PPARGC1B: variants seen among roughly 807,000 people sequenced by gnomAD.
PPARGC1B encodes PPARG coactivator 1 beta.
Under a neutral mutation model 101.6 loss-of-function variants are expected in PPARGC1B, and 34 were observed. The observed-to-expected ratio is 0.33, with a 90% CI of 0.25 to 0.45. The LOEUF (loss-of-function observed/expected upper bound fraction) is 0.45, where lower values mean the gene tolerates loss of function less well. Ranked by LOEUF, PPARGC1B falls within the 20% of genes least tolerant of loss-of-function variation. The pLI is 1.00. For missense variants in PPARGC1B, 1,234 were observed against 1,317.6 expected (o/e 0.94, Z 0.98); for synonymous variants, 548 against 539.3 (o/e 1.02, Z -0.22).
rs570914649 is a variant in PPARGC1B, at chr5:149,834,429, G to A, written c.1706-245G>A. On this transcript the variant is annotated intron_variant, in intron 5 of 11. Transcript: ENST00000309241. The stretch of plus-strand genomic sequence containing the variant: ...CCTCACTGTGCTACACGTTTAGCCA[G>A]AAGGGGTCACTCTTGCACCTGTTTG... 9.2e-5 allele frequency among the ~76,000 whole-genome samples: 14 copies of A among 152,360 alleles called. No individual in the cohort carries two copies. In the South Asian group the frequency reaches 2.9e-3, roughly 32 times the overall value.
rs143997544 is a variant in PPARGC1B, at chr5:149,845,561, G to A, written c.2817-199G>A. On this transcript the variant is annotated intron_variant, in intron 10 of 11. Coordinates refer to ENST00000309241, the MANE Select transcript of PPARGC1B (RefSeq NM_133263.4). The stretch of plus-strand genomic sequence containing the variant: ...AAGATGTGATGGCCAACACCTGGCA[G>A]ACATTCAACATATTAGCTGCTTTCA... 2,176 of 575,670 alleles carry A rather than the reference G, an allele frequency of 3.8e-3. 38 individuals carry two copies. Among genetic ancestry groups the A allele is most frequent in the African/African-American group, 0.036 (1,923 of 53,648 alleles). The allele number at this position is 575,670 out of a possible 1,614,324, so 35.7% of individuals were successfully genotyped here.
chr5:149,741,071 C>G (rs1008639719), intron 1 of PPARGC1B, among the ~76,000 whole-genome samples: 1 of 152,160 alleles, frequency 6.6e-6, no homozygotes. Context: ...GTAGCTGGGA[C>G]TCAACTGTCT....
intron 1 of PPARGC1B, among the ~76,000 whole-genome samples, chr5:149,810,117 A>T (rs1436949326): frequency 6.6e-6 from 1 of 152,202 alleles, no homozygotes; most frequent in African/African-American, 2.4e-5. Flanking sequence ...GCCTCAACAA[A>T]GCCTAACAAC....
chr5:149,767,127 T>C (rs1178672924), intron 1 of PPARGC1B, among the ~76,000 whole-genome samples: 1 of 152,186 alleles, frequency 6.6e-6, no homozygotes, highest in African/African-American at 2.4e-5. Flanking sequence ...ACAGTCCTCT[T>C]TCTGTAAAGT....
In PPARGC1B at chr5:149,836,894, G is replaced by A. The variant is rs754100391; in HGVS notation, c.2439G>A (p.Gly813=). 20 of 1,591,158 alleles carry A rather than the reference G, an allele frequency of 1.3e-5. No individual in the cohort carries two copies. In the African/African-American group the frequency reaches 2.2e-4, roughly 17 times the overall value. ...TCCCAGAGGAGGAAGAGGAAGAAGG[G>A]GAGGAGGAGGAGGAGGACGATGAAG... is the stretch of plus-strand genomic sequence containing the variant. The part of the protein sequence containing the change: ...SFLPEEEEEE[G]EEEEEDDEEE... Residue 813 remains glycine (G), a synonymous_variant, in exon 8 of 12, where the codon GGG becomes GGA. Transcript: ENST00000309241.
chr5:149,821,868 C>T (rs914484440), intron 2 of PPARGC1B, among the ~76,000 whole-genome samples: 1 of 152,216 alleles, frequency 6.6e-6, no homozygotes, highest in African/African-American at 2.4e-5. Context: ...GAGAAGCTAT[C>T]AGTTGTGTAC....
intron 1 of PPARGC1B, among the ~76,000 whole-genome samples, chr5:149,754,185 A>G (rs1251090517): frequency 6.6e-6 from 1 of 152,184 alleles, no homozygotes; most frequent in Non-Finnish European, 1.5e-5. Flanking sequence ...TCCTTTTCGG[A>G]TGGTTAAGAC....
At chr5:149,757,626 C>T (rs1277613754) in intron 1 of PPARGC1B, among the ~76,000 whole-genome samples, 1 of 152,328 alleles carries the variant, frequency 6.6e-6, no homozygotes. Context: ...TCTGCAGCCA[C>T]CATCGACACA....
chr5:149,840,149 A>G, intron 9 of PPARGC1B, 33 bp downstream of exon 9: 1 of 1,591,896 alleles, frequency 6.3e-7, no homozygotes. Context: ...GCCTGGAGTG[A>G]ATGGGAACGG....
chr5:149,819,376 C>T (rs1382056049), intron 1 of PPARGC1B, among the ~76,000 whole-genome samples: 1 of 152,206 alleles, frequency 6.6e-6, no homozygotes, highest in Non-Finnish European at 1.5e-5. Context: ...ATTTTACATG[C>T]TGGTATTCTA....
intron 1 of PPARGC1B, among the ~76,000 whole-genome samples, chr5:149,785,877 G>A (rs1756783837): frequency 6.6e-6 from 1 of 151,810 alleles, no homozygotes; most frequent in African/African-American, 2.4e-5. Context: ...TTGGCTCAGA[G>A]TGAAGGCAAG....
chr5:149,767,205 T>A (rs1169700722), intron 1 of PPARGC1B, among the ~76,000 whole-genome samples: 4 of 152,184 alleles, frequency 2.6e-5, no homozygotes, highest in Admixed American at 2.6e-4. Context: ...GGGTGTTCGG[T>A]TCACAGTGGT....
chr5:149,769,187 C>T (rs943481550), intron 1 of PPARGC1B, among the ~76,000 whole-genome samples: 2 of 152,156 alleles, frequency 1.3e-5, no homozygotes, highest in African/African-American at 2.4e-5. Context: ...AATCTAATGC[C>T]GCTGCTGATC....
intron 1 of PPARGC1B, among the ~76,000 whole-genome samples, chr5:149,805,303 T>C (rs1325792486): frequency 2.0e-5 from 3 of 152,128 alleles, no homozygotes; most frequent in Admixed American, 1.3e-4. Flanking sequence ...TATCATAGGG[T>C]CCTTAAATAG....
intron 2 of PPARGC1B, among the ~76,000 whole-genome samples, chr5:149,825,808 A>T (rs1458944952): frequency 1.3e-5 from 2 of 152,262 alleles, no homozygotes; most frequent in African/African-American, 4.8e-5. Flanking sequence ...TGCAGGGGGC[A>T]GTTATACTAC....
At chr5:149,739,668 G>A (rs1229943540) in intron 1 of PPARGC1B, among the ~76,000 whole-genome samples, 1 of 152,222 alleles carries the variant, frequency 6.6e-6, no homozygotes, top group East Asian at 1.9e-4. Flanking sequence ...TCCTCTGAGA[G>A]ACACCATTGC....
intron 1 of PPARGC1B, among the ~76,000 whole-genome samples, chr5:149,784,333 GCCA>G (rs1356953658): frequency 1.3e-5 from 2 of 151,916 alleles, no homozygotes; most frequent in African/African-American, 4.8e-5. Context: ...CTGTGAAGCA[GCCA>G]CCTCATGGGG....
At chr5:149,735,966 A>G (rs1448184769) in intron 1 of PPARGC1B, among the ~76,000 whole-genome samples, 1 of 152,218 alleles carries the variant, frequency 6.6e-6, no homozygotes, top group African/African-American at 2.4e-5. Flanking sequence ...TCTACTAAAA[A>G]TACAAAAATT....
chr5:149,842,428 T>C, intron 10 of PPARGC1B, 51 bp downstream of exon 10: 1 of 1,590,696 alleles, frequency 6.3e-7, no homozygotes, highest in Non-Finnish European at 8.6e-7. Context: ...GGGGCACTGG[T>C]CCTGATCCAG....
Sources: gnomAD v4.1 joint callset for allele counts (sites outside exome capture counted in the v4.1 genomes callset) on GRCh38, gnomAD v4.1.1 for gene constraint, MANE v1.5 for transcripts, NCBI Gene and HGNC (gene_info 2026-07-23, HGNC 2026-07-21) for gene names.